Variants in NSMCE2 observed in about 807,000 individuals in gnomAD.
The protein encoded by NSMCE2 is NSE2 SUMO ligase component of SMC5/6 complex.
NSMCE2 carries 24 observed loss-of-function variants against 23.8 expected under a neutral mutation model. The observed-to-expected ratio is 1.01, with a 90% CI of 0.73 to 1.42. The LOEUF (loss-of-function observed/expected upper bound fraction) is 1.42. Ranked by LOEUF, NSMCE2 falls within the 40% of genes most tolerant of loss-of-function variation. NSMCE2 has a pLI of 0.00. For missense variants in NSMCE2, 284 were observed against 296.5 expected (o/e 0.96, Z 0.31); for synonymous variants, 92 against 94.1 (o/e 0.98, Z 0.13).
At chr8:125,177,645 T>C (rs1822563463) in intron 4 of NSMCE2, among the ~76,000 whole-genome samples, 1 of 152,172 alleles carries the variant, frequency 6.6e-6, no homozygotes, top group African/African-American at 2.4e-5. Flanking sequence ...TCCAGCGCTG[T>C]GTGCAGAATG....
At chr8:125,267,997 G>A (rs1365983473) in intron 5 of NSMCE2, among the ~76,000 whole-genome samples, 3 of 151,938 alleles carry the variant, frequency 2.0e-5, no homozygotes, top group African/African-American at 7.3e-5. Context: ...GGGAAGCTGA[G>A]GTGGGAGGAT....
Position 125,229,412 on chromosome 8 carries a change from C to T in NSMCE2, c.418+47156C>T, listed in dbSNP as rs1303950453. ...ACAAAATTTTTAATATTTTAACCTC[C>T]TTTCCAGTGGATTTTCTTGTGACCC... On this transcript the variant is annotated intron_variant, in intron 5 of 7. Transcript: ENST00000287437. Among the ~76,000 whole-genome samples, 6 of 152,198 alleles carry T rather than the reference C, an allele frequency of 3.9e-5. No homozygotes were observed. The South Asian group carries it at 6.2e-4, about 16-fold the overall frequency.
At chr8:125,254,163 T>A (rs73704562) in intron 5 of NSMCE2, among the ~76,000 whole-genome samples, 10,755 of 152,274 alleles carry the variant, frequency 0.071, 410 homozygotes, top group African/African-American at 0.089. Flanking sequence ...CAATATTACA[T>A]TTAATAATTC....
intron 5 of NSMCE2, among the ~76,000 whole-genome samples, chr8:125,356,997 TC>T (rs1403271434): frequency 6.6e-6 from 1 of 152,122 alleles, no homozygotes; most frequent in Non-Finnish European, 1.5e-5. Flanking sequence ...TAAAAAAGAT[TC>T]TTTTTAACTG....
chr8:125,274,075 C>G (rs1827340290), intron 5 of NSMCE2, among the ~76,000 whole-genome samples: 1 of 152,162 alleles, frequency 6.6e-6, no homozygotes, highest in Non-Finnish European at 1.5e-5. Context: ...CCTCAGAGGA[C>G]TTCAGAGCTC....
At chr8:125,358,433 ATATAT>A (rs1405568687) in intron 7 of NSMCE2, among the ~76,000 whole-genome samples, 16 of 150,248 alleles carry the variant, frequency 1.1e-4, no homozygotes, top group South Asian at 2.1e-4. Flanking sequence ...TAGACATAAT[ATATAT>A]TATATGTTAT....
chr8:125,291,520 A>G (rs1828104371), intron 5 of NSMCE2, among the ~76,000 whole-genome samples: 1 of 152,184 alleles, frequency 6.6e-6, no homozygotes, highest in African/African-American at 2.4e-5. Flanking sequence ...CAACTCTGCA[A>G]GCAGATTTGG....
rs184358753 is a variant in NSMCE2 at position 125,104,030 on chromosome 8, G to T, written c.157+1543G>T. Among the ~76,000 whole-genome samples, 381 of 134,346 alleles carry T rather than the reference G, an allele frequency of 2.8e-3. 1 individual carries two copies. The highest frequency in any genetic ancestry group is 9.5e-3 in the African/African-American group (346 of 36,372). 88.1% of individuals were successfully genotyped at this position (134,346 alleles called of 152,430 possible). A position where few individuals can be genotyped will look rare whatever the true frequency, so the allele number is the denominator to read the frequency against. ...TTTCAGCCGGAATTTTGCTCTTGTT[G>T]CCCAGGCTGGAGTGCAATGGTGCGA... On this transcript the variant is annotated intron_variant, in intron 3 of 7. Transcript: ENST00000287437.
chr8:125,122,258 A>G (rs920133729), intron 3 of NSMCE2, among the ~76,000 whole-genome samples: 7 of 151,940 alleles, frequency 4.6e-5, no homozygotes, highest in Admixed American at 2.6e-4. Context: ...ACTTCAACAA[A>G]TCTCTAGATC....
chr8:125,199,187 T>A (rs1823758264), intron 5 of NSMCE2, among the ~76,000 whole-genome samples: 1 of 152,248 alleles, frequency 6.6e-6, no homozygotes, highest in Non-Finnish European at 1.5e-5. Flanking sequence ...CCTTCAGTTC[T>A]GCTCTGATCT....
At chr8:125,093,956 CT>C (rs1415714895) in intron 1 of NSMCE2, among the ~76,000 whole-genome samples, 10 of 151,762 alleles carry the variant, frequency 6.6e-5, no homozygotes, top group Non-Finnish European at 1.5e-5. Flanking sequence ...GCCACTATGT[CT>C]GTGTAAGTTT....
chr8:125,262,362 TG>T (rs1457999113), intron 5 of NSMCE2, among the ~76,000 whole-genome samples: 1 of 152,124 alleles, frequency 6.6e-6, no homozygotes, highest in East Asian at 1.9e-4. Flanking sequence ...AGGCAGAGCT[TG>T]CAGTGAGCAG....
intron 5 of NSMCE2, among the ~76,000 whole-genome samples, chr8:125,312,238 C>T (rs1014992276): frequency 3.3e-5 from 5 of 152,110 alleles, no homozygotes; most frequent in Non-Finnish European, 5.9e-5. Context: ...AAGAGCTAAA[C>T]TGAAATAGAA....
intron 3 of NSMCE2, among the ~76,000 whole-genome samples, chr8:125,140,867 T>C (rs1359012971): frequency 6.6e-6 from 1 of 152,152 alleles, no homozygotes; most frequent in African/African-American, 2.4e-5. Context: ...GGAAATGCTC[T>C]TGTGGCCTTA....
chr8:125,278,096 T>G (rs1360799987), intron 5 of NSMCE2, among the ~76,000 whole-genome samples: 2 of 152,186 alleles, frequency 1.3e-5, no homozygotes, highest in Non-Finnish European at 2.9e-5. Flanking sequence ...GTGAAATATT[T>G]GCTGGATTTT....
At chr8:125,258,596 TG>T (rs978759175) in intron 5 of NSMCE2, among the ~76,000 whole-genome samples, 4 of 152,158 alleles carry the variant, frequency 2.6e-5, no homozygotes, top group Non-Finnish European at 4.4e-5. Context: ...AACTGGAGGA[TG>T]GCTTGTTTTG....
At chr8:125,328,571 C>G (rs1029975563) in intron 5 of NSMCE2, among the ~76,000 whole-genome samples, 4 of 152,160 alleles carry the variant, frequency 2.6e-5, no homozygotes, top group Non-Finnish European at 5.9e-5. Context: ...ATGAGTAGTT[C>G]TCTCATGAGA....
rs139363420 is a variant in NSMCE2 at position 125,250,966 on chromosome 8, C to T, written c.418+68710C>T. On this transcript the variant is annotated intron_variant, in intron 5 of 7. Coordinates refer to ENST00000287437, the MANE Select transcript of NSMCE2 (RefSeq NM_173685.4). ...CTAGGTGACAGTAAAACAACATGCACAATATGATCCTATTTTTATAAAATA... is the reference window on the plus strand; with the variant it reads ...CTAGGTGACAGTAAAACAACATGCATAATATGATCCTATTTTTATAAAATA... Among the ~76,000 whole-genome samples, 238 of 152,276 alleles carry T rather than the reference C, an allele frequency of 1.6e-3. 1 individual carries two copies. Among genetic ancestry groups the T allele is most frequent in the African/African-American group, 5.4e-3 (224 of 41,558 alleles).
At chr8:125,283,083 A>C (rs769098159) in intron 5 of NSMCE2, among the ~76,000 whole-genome samples, 39 of 152,238 alleles carry the variant, frequency 2.6e-4, no homozygotes, top group Non-Finnish European at 4.6e-4. Context: ...TTTTCACATC[A>C]GTAAGTGGAA....
Sources: gnomAD v4.1 joint callset for allele counts (sites outside exome capture counted in the v4.1 genomes callset) on GRCh38, gnomAD v4.1.1 for gene constraint, MANE v1.5 for transcripts, NCBI Gene and HGNC (gene_info 2026-07-23, HGNC 2026-07-21) for gene names.